The following NLE1 variants were observed in gnomAD, a reference collection of about 807,000 sequenced individuals.
NLE1 encodes notchless protein homolog 1.
In NLE1, 37 loss-of-function variants were observed where a neutral mutation model predicts 62.8. The ratio of observed to expected loss-of-function variants is 0.59; its 90% confidence interval spans 0.45 to 0.78. The LOEUF is 0.78. Ranked by LOEUF, NLE1 falls within the 30% of genes least tolerant of loss-of-function variation. The pLI is 0.00. For synonymous variants in NLE1, 243 were observed against 253.0 expected (o/e 0.96, Z 0.37); for missense variants, 555 against 637.9 (o/e 0.87, Z 1.40).
rs779650540 is a variant in NLE1, at chr17:35,142,064, C to T, written c.77G>A (p.Gly26Glu). The change falls in exon 2 of 13, where the codon GGG becomes GAG. Residue 26 changes from glycine (G) to glutamate (E), a missense_variant. Gly to Glu is a moderately conservative substitution (Grantham distance 98). Transcript: ENST00000442241. ...GTCGAACGGGGAACCCAGCAGCTGC[C>T]CGCCCTCATCCTGGAACTGCACTAG... ...RLLVQFQDEG[G>E]QLLGSPFDVP... 6.2e-7 allele frequency: 1 copy of T among 1,612,726 alleles called. No homozygotes were observed. The highest frequency in any genetic ancestry group is 8.5e-7 in the Non-Finnish European group (1 of 1,179,930).
In NLE1 at chr17:35,130,426, C is replaced by T; in HGVS notation, c.*2011G>A. The T allele has an allele frequency of 6.2e-7, 1 of 1,613,792 alleles. No individual in the cohort carries two copies. The highest frequency in any genetic ancestry group is 1.1e-5 in the South Asian group (1 of 91,074). On this transcript the variant is annotated 3_prime_UTR_variant, in exon 13 of 13. Transcript: ENST00000442241. ...GCTGGAGGATCTGGAATACCTATTTCCCTGTTAAGGGGGAGGGCCCCAGGA... is the reference window on the plus strand; with the variant it reads ...GCTGGAGGATCTGGAATACCTATTTTCCTGTTAAGGGGGAGGGCCCCAGGA...
Position 35,133,379 on chromosome 17 carries a change from G to T in NLE1, c.1334C>A (p.Ala445Asp). 6.2e-7 allele frequency: 1 copy of T among 1,614,154 alleles called. No homozygotes were observed. The highest frequency in any genetic ancestry group is 2.2e-5 in the East Asian group (1 of 44,874). ...GGGCAGGTCCATGGCCAGCTTCTGG[G>T]CCTTCACATCCCACACCTTCAGTGT... ...DSTLKVWDVK[A>D]QKLAMDLPGH... Residue 445 changes from alanine (A) to aspartate (D), a missense_variant, in exon 11 of 13, where the codon GCC (alanine) becomes GAC (aspartate). By Grantham distance (126) the Ala-to-Asp change is moderately radical. Transcript: ENST00000442241.
In NLE1 at chr17:35,129,852, A is replaced by C. The variant is rs1041553282; in HGVS notation, c.*2585T>G. On this transcript the variant is annotated 3_prime_UTR_variant, in exon 13 of 13. Transcript: ENST00000442241. ...TAAGGATTAAGCCACTCTGGGGCCC[A>C]CTAGGAATGCAAACGAATGTATTTT... 9 of 1,424,636 alleles carry C rather than the reference A, an allele frequency of 6.3e-6. No homozygotes were observed. The African/African-American group carries it at 1.2e-4, about 18-fold the overall frequency. The allele number at this position is 1,424,636 out of a possible 1,614,324, so 88.2% of individuals were successfully genotyped here.
Position 35,129,428 on chromosome 17 carries a change from T to A in NLE1, c.*3009A>T. The A allele has an allele frequency of 6.2e-7, 1 of 1,613,452 alleles. No homozygotes were observed. Among genetic ancestry groups the A allele is most frequent in the Non-Finnish European group, 8.5e-7 (1 of 1,179,414 alleles). ...GGGCTCTCTCTTCCCCTAGATTTCC[T>A]GGACCTACGCCTTGGGCAAGCAGCC... On this transcript the variant is annotated 3_prime_UTR_variant, in exon 13 of 13. Coordinates refer to ENST00000442241, the MANE Select transcript of NLE1 (RefSeq NM_018096.5).
rs985084117 is a variant in NLE1, at chr17:35,129,946, T to C, written c.*2491A>G. On this transcript the variant is annotated 3_prime_UTR_variant, in exon 13 of 13. Transcript: ENST00000442241. ...AGACTCTGCAATTCAGTGCCCATGA[T>C]TGTGAGTAGGCTGGGAAGTCAAGGG... is the stretch of plus-strand genomic sequence containing the variant. The C allele has an allele frequency of 2.1e-5, 29 of 1,372,722 alleles. No individual in the cohort carries two copies. The highest frequency in any genetic ancestry group is 2.5e-5 in the Non-Finnish European group (27 of 1,063,012). 85.0% of individuals were successfully genotyped at this position (1,372,722 alleles called of 1,614,324 possible). A position where few individuals can be genotyped will look rare whatever the true frequency, so the allele number is the denominator to read the frequency against.
In NLE1 at chr17:35,133,306, C is replaced by CT. The variant is rs760697931; in HGVS notation, c.1374+32_1374+33insA. 12 of 1,614,054 alleles carry CT rather than the reference C, an allele frequency of 7.4e-6. No homozygotes were observed. The African/African-American group carries it at 1.6e-4, about 22-fold the overall frequency. ...GGAGACAGCCAGCCAGGCTCCAATC[C>CT]CAGTCCCTCCTTTGCCTGAGGGTTG... is the stretch of plus-strand genomic sequence containing the variant. On this transcript the variant is annotated intron_variant, in intron 11 of 12. Coordinates refer to ENST00000442241, the MANE Select transcript of NLE1 (RefSeq NM_018096.5).
rs772107027 is a variant in NLE1 at position 35,136,150 on chromosome 17, G to A, written c.1011+19C>T. On this transcript the variant is annotated intron_variant, in intron 9 of 12. Transcript: ENST00000442241. Reference sequence around the variant, plus strand: ...GACTGGTACAGAGCTAGGGGTGCACGTGGCTGGCACACACTCACCCGCACG... The same window carrying A: ...GACTGGTACAGAGCTAGGGGTGCACATGGCTGGCACACACTCACCCGCACG... 4.0e-5 allele frequency: 64 copies of A among 1,613,786 alleles called. No homozygotes were observed. Among genetic ancestry groups the A allele is most frequent in the Non-Finnish European group, 5.0e-5 (59 of 1,179,806 alleles).
chr17:35,136,711 G>A (rs2091911075), intron 7 of NLE1, among the ~76,000 whole-genome samples: 1 of 152,174 alleles, frequency 6.6e-6, no homozygotes, highest in Non-Finnish European at 1.5e-5. Flanking sequence ...GGATGTCAGA[G>A]TAAACGGCTC....
Position 35,129,636 on chromosome 17 carries a change from G to A in NLE1, c.*2801C>T. ...CGTGCAGCCAACACAGCTGGGGTGG[G>A]GAAGTGGTGCAAGCCCTACAAAGTG... is the stretch of plus-strand genomic sequence containing the variant. On this transcript the variant is annotated 3_prime_UTR_variant, in exon 13 of 13. Coordinates refer to ENST00000442241, the MANE Select transcript of NLE1 (RefSeq NM_018096.5). 6.2e-7 allele frequency: 1 copy of A among 1,614,048 alleles called. No individual in the cohort carries two copies.
chr17:35,135,565 G>C, intron 9 of NLE1, 114 bp from the exon 10 acceptor site: 1 of 900,500 alleles, frequency 1.1e-6, no homozygotes, highest in Non-Finnish European at 1.7e-6. Flanking sequence ...ACAGAGAGAG[G>C]CCAGCGCTAG....
In NLE1 at chr17:35,135,317, A is replaced by C; in HGVS notation, c.1146T>G (p.Pro382=). The C allele has an allele frequency of 6.2e-7, 1 of 1,614,218 alleles. No homozygotes were observed. The highest frequency in any genetic ancestry group is 8.5e-7 in the Non-Finnish European group (1 of 1,180,044). The change falls in exon 10 of 13, where the codon CCT becomes CCG. Residue 382 remains proline (P), a synonymous_variant. Transcript: ENST00000442241. Reference sequence around the variant, plus strand: ...AGGCACTAGCCACGATGCGGGAGTCAGGAGAGAAGAGCACCTGGTTGATGA... The same window carrying C: ...AGGCACTAGCCACGATGCGGGAGTCCGGAGAGAAGAGCACCTGGTTGATGA... ...QALINQVLFS[P]DSRIVASASF... is the part of the protein sequence containing the mutation.
Position 35,137,088 on chromosome 17 carries a change from C to A in NLE1, c.741G>T (p.Gln247His), listed in dbSNP as rs977614394. ...RCERILTGHT[Q>H]SVTCLRWGGD... is the part of the protein sequence containing the mutation. ...CTCCCCACCGGAGACAGGTGACCGA[C>A]TGGGTGTGCCCGGTGAGGATGCGCT... The change falls in exon 7 of 13, where the codon CAG becomes CAT. Residue 247 changes from glutamine to histidine, a missense_variant. Transcript: ENST00000442241. The A allele has an allele frequency of 4.3e-6, 7 of 1,613,916 alleles. No homozygotes were observed. Among genetic ancestry groups the A allele is most frequent in the Non-Finnish European group, 5.9e-6 (7 of 1,180,016 alleles).
chr17:35,138,848 G>C (rs1445454399), intron 4 of NLE1, among the ~76,000 whole-genome samples: 1 of 152,140 alleles, frequency 6.6e-6, no homozygotes, highest in Non-Finnish European at 1.5e-5. Flanking sequence ...GTTCTCCTTG[G>C]TAGCAGTCAG....
intron 9 of NLE1, among the ~76,000 whole-genome samples, chr17:35,135,738 T>G (rs187288663): frequency 3.9e-5 from 6 of 152,358 alleles, no homozygotes; most frequent in African/African-American, 1.2e-4. Flanking sequence ...ATTTTATGTA[T>G]GTATGCATGT....
Position 35,137,028 on chromosome 17 carries a change from G to A in NLE1, c.801C>T (p.Arg267=). The change falls in exon 7 of 13, where the codon CGC becomes CGT. Residue 267 remains arginine, a synonymous_variant. Coordinates refer to ENST00000442241, the MANE Select transcript of NLE1 (RefSeq NM_018096.5). The part of the protein sequence containing the change: ...DGLLYSASQD[R]TIKVWRAHDG... Reference sequence around the variant, plus strand: ...CATGAGCTCTCCAGACTTTGATGGTGCGGTCCTGGGAGGCAGAGTAGAGAA... The same window carrying A: ...CATGAGCTCTCCAGACTTTGATGGTACGGTCCTGGGAGGCAGAGTAGAGAA... 1 of 1,611,380 alleles carries A rather than the reference G, an allele frequency of 6.2e-7. No homozygotes were observed. Among genetic ancestry groups the A allele is most frequent in the Non-Finnish European group, 8.5e-7 (1 of 1,177,906 alleles).
Position 35,130,328 on chromosome 17 carries a change from C to T in NLE1, c.*2109G>A. The stretch of plus-strand genomic sequence containing the variant: ...TTCAGCAGCTTTCCTGAGAACTACC[C>T]CATCCAGATCACCGTGCGGCGCAAG... On this transcript the variant is annotated 3_prime_UTR_variant, in exon 13 of 13. Coordinates refer to ENST00000442241, the MANE Select transcript of NLE1 (RefSeq NM_018096.5). 6.2e-7 allele frequency: 1 copy of T among 1,614,130 alleles called. No homozygotes were observed. Among genetic ancestry groups the T allele is most frequent in the African/African-American group, 1.3e-5 (1 of 75,030 alleles).
chr17:35,135,046 A>AG, intron 10 of NLE1: 1 of 668,800 alleles, frequency 1.5e-6, no homozygotes, highest in East Asian at 2.9e-5. Flanking sequence ...CAGGTGACAG[A>AG]GTGAAAGTCA....
intron 7 of NLE1, 69 bp downstream of exon 7, chr17:35,136,932 C>T: frequency 7.2e-7 from 1 of 1,394,444 alleles, no homozygotes; most frequent in Non-Finnish European, 9.9e-7. Context: ...ATGTCAAGGT[C>T]ATTCTGAGTG....
At chr17:35,136,623 A>C (rs1597891460) in intron 7 of NLE1, 126 bp from the exon 8 acceptor site, 2 of 1,218,268 alleles carry the variant, frequency 1.6e-6, no homozygotes, top group Non-Finnish European at 1.1e-6. Flanking sequence ...TAATCAAACT[A>C]CCCCTCTGGG....
Sources: gnomAD v4.1 joint callset for allele counts (sites outside exome capture counted in the v4.1 genomes callset) on GRCh38, gnomAD v4.1.1 for gene constraint, MANE v1.5 for transcripts, NCBI Gene and HGNC (gene_info 2026-07-23, HGNC 2026-07-21) for gene names.